UBE2F: variants seen among roughly 807,000 people sequenced by gnomAD.
The protein encoded by UBE2F is NEDD8-conjugating enzyme UBE2F.
In UBE2F, 5 loss-of-function variants were observed where a neutral mutation model predicts 29.6. The observed-to-expected ratio is 0.17, with a 90% CI of 0.09 to 0.36. UBE2F has a LOEUF of 0.36. Among genes scored for constraint, UBE2F ranks in the 10% least tolerant of loss-of-function variants. The pLI is 1.00. For synonymous variants in UBE2F, 66 were observed against 81.8 expected (o/e 0.81, Z 1.04); for missense variants, 141 against 228.5 (o/e 0.62, Z 2.47).
intron 7 of UBE2F, 31 bp downstream of exon 7, chr2:238,030,644 G>C: frequency 6.3e-7 from 1 of 1,586,204 alleles, no homozygotes; most frequent in East Asian, 2.2e-5. Context: ...TTGATCATAA[G>C]TTGTCCCTGT....
intron 5 of UBE2F, among the ~76,000 whole-genome samples, chr2:238,024,567 C>T (rs2064371022): frequency 6.6e-6 from 1 of 152,042 alleles, no homozygotes; most frequent in South Asian, 2.1e-4. Flanking sequence ...TAATCTTAAA[C>T]CCTTGGCCTC....
chr2:238,026,794 C>T (rs1289603385), intron 6 of UBE2F, among the ~76,000 whole-genome samples: 1 of 152,184 alleles, frequency 6.6e-6, no homozygotes, highest in African/African-American at 2.4e-5. Flanking sequence ...TTTGTATATA[C>T]TGCTCCTTCT....
intron 8 of UBE2F, among the ~76,000 whole-genome samples, chr2:238,033,822 T>C (rs1274740071): frequency 6.6e-6 from 1 of 152,234 alleles, no homozygotes; most frequent in Non-Finnish European, 1.5e-5. Context: ...TTTGTTCTGC[T>C]TCTGTCTTTG....
At chr2:237,993,252 C>G (rs545196081) in intron 3 of UBE2F, among the ~76,000 whole-genome samples, 1 of 152,050 alleles carries the variant, frequency 6.6e-6, no homozygotes, top group African/African-American at 2.4e-5. Context: ...TCCCAAAGTT[C>G]TGGGATTACA....
At chr2:238,023,797 C>G (rs2106394326) in intron 5 of UBE2F, among the ~76,000 whole-genome samples, 1 of 152,252 alleles carries the variant, frequency 6.6e-6, no homozygotes, top group South Asian at 2.1e-4. Flanking sequence ...TCCCTTACTG[C>G]AGGTTGTGGT....
At chr2:237,992,716 T>C (rs1391754595) in intron 3 of UBE2F, among the ~76,000 whole-genome samples, 1 of 152,218 alleles carries the variant, frequency 6.6e-6, no homozygotes, top group Non-Finnish European at 1.5e-5. Context: ...CTGTATGATC[T>C]TGGGCTAGTC....
At chr2:238,003,358 T>C (rs1444003542) in intron 4 of UBE2F, 5 of 471,052 alleles carry the variant, frequency 1.1e-5, no homozygotes, top group South Asian at 7.7e-5. Context: ...CTCTCCTTGC[T>C]CCTTCCAAGA....
chr2:237,972,370 A>G (rs1196118709), intron 1 of UBE2F, among the ~76,000 whole-genome samples: 1 of 152,060 alleles, frequency 6.6e-6, no homozygotes. Context: ...GGAAGGGCCA[A>G]CTTACCAGTG....
In UBE2F at chr2:237,967,142, G is replaced by A; in HGVS notation, c.-17+10G>A. 2 of 1,282,346 alleles carry A rather than the reference G, an allele frequency of 1.6e-6. No homozygotes were observed. Among genetic ancestry groups the A allele is most frequent in the Non-Finnish European group, 9.9e-7 (1 of 1,010,688 alleles). 79.4% of individuals were successfully genotyped at this position (1,282,346 alleles called of 1,614,324 possible). On this transcript the variant is annotated intron_variant, in intron 1 of 9. Transcript: ENST00000272930. The surrounding 1 kb of genome is among the most constrained non-coding windows in gnomAD (Gnocchi z 6.3). ...GTCTCGGGGAGCCCAGGTGAGGAGC[G>A]ACCGTGCGGCTCTGCGGCGGGGCGA...
At chr2:238,038,335 C>T (rs1380470163) in intron 9 of UBE2F, among the ~76,000 whole-genome samples, 1 of 152,224 alleles carries the variant, frequency 6.6e-6, no homozygotes, top group African/African-American at 2.4e-5. Flanking sequence ...GTGCTCACAG[C>T]TCCCCATGGG....
At chr2:238,028,770 GA>G (rs1372010322) in intron 6 of UBE2F, among the ~76,000 whole-genome samples, 1 of 151,996 alleles carries the variant, frequency 6.6e-6, no homozygotes, top group African/African-American at 2.4e-5. Flanking sequence ...TGACTTTTGT[GA>G]ATTTAAACAT....
At chr2:237,984,024 T>C (rs1321330798) in intron 2 of UBE2F, among the ~76,000 whole-genome samples, 1 of 151,260 alleles carries the variant, frequency 6.6e-6, no homozygotes, top group Non-Finnish European at 1.5e-5. Context: ...TCTCCTCTTC[T>C]TCCCCCTCCC....
chr2:238,033,413 A>G (rs1241061867), intron 8 of UBE2F, among the ~76,000 whole-genome samples: 1 of 152,180 alleles, frequency 6.6e-6, no homozygotes, highest in Non-Finnish European at 1.5e-5. Flanking sequence ...AGTTTTTGCT[A>G]CTTTTGATAA....
Position 237,967,280 on chromosome 2 carries a change from G to A in UBE2F, c.-17+148G>A. 1 of 403,998 alleles carries A rather than the reference G, an allele frequency of 2.5e-6. No homozygotes were observed. The highest frequency in any genetic ancestry group is 3.3e-6 in the Non-Finnish European group (1 of 300,670). 25.0% of individuals were successfully genotyped at this position (403,998 alleles called of 1,614,324 possible). A position where few individuals can be genotyped will look rare whatever the true frequency, so the allele number is the denominator to read the frequency against. On this transcript the variant is annotated intron_variant, in intron 1 of 9. Coordinates refer to ENST00000272930, the MANE Select transcript of UBE2F (RefSeq NM_080678.3). This position sits in a 1 kb window ranked among gnomAD's most constrained non-coding sequence, Gnocchi z 6.3. The stretch of plus-strand genomic sequence containing the variant: ...CACGCCGGGGGCCTGGCGGGCGCGG[G>A]CACCCGGACGCGAGGCCGAGCGGCG...
intron 8 of UBE2F, chr2:238,032,557 G>A (rs1380949111): frequency 3.3e-6 from 1 of 306,126 alleles, no homozygotes; most frequent in African/African-American, 2.1e-5. Flanking sequence ...AGAGGTTGCA[G>A]TGAGCTGAGA....
At chr2:237,973,770 G>C in intron 2 of UBE2F, 1 of 1,134,938 alleles carries the variant, frequency 8.8e-7, no homozygotes, top group Non-Finnish European at 1.2e-6. Context: ...TTTATCCTTG[G>C]AGAAGGGTTG....
chr2:238,017,251 A>G (rs1359481181), intron 5 of UBE2F, among the ~76,000 whole-genome samples: 1 of 152,214 alleles, frequency 6.6e-6, no homozygotes, highest in Non-Finnish European at 1.5e-5. Flanking sequence ...AATTCAGAGA[A>G]GGGAAAGTAA....
rs78156169 is a variant in UBE2F, at chr2:238,040,709, C to T, written c.508-579C>T. ...CCTGGGGTGATTCCTAGGTCCACAC[C>T]GCCTTTGGTCACTGTCCACCTTCAT... On this transcript the variant is annotated intron_variant, in intron 9 of 9. Coordinates refer to ENST00000272930, the MANE Select transcript of UBE2F (RefSeq NM_080678.3). This position sits in a 1 kb window ranked among gnomAD's most constrained non-coding sequence, Gnocchi z 4.4. Among the ~76,000 whole-genome samples the T allele has an allele frequency of 0.027, 4,033 of 152,174 alleles. 172 individuals carry two copies. The highest frequency in any genetic ancestry group is 0.093 in the African/African-American group (3,847 of 41,486).
intron 4 of UBE2F, among the ~76,000 whole-genome samples, chr2:238,009,934 T>G (rs1269907800): frequency 6.6e-6 from 1 of 152,216 alleles, no homozygotes; most frequent in South Asian, 2.1e-4. Flanking sequence ...CCACAGATAC[T>G]CCCATCATCA....
Sources: allele counts gnomAD v4.1 joint callset (sites outside exome capture counted in the v4.1 genomes callset), GRCh38; gene constraint gnomAD v4.1.1; non-coding constraint Gnocchi (gnomAD v3.1); transcripts MANE v1.5; gene names NCBI Gene and HGNC (gene_info 2026-07-23, HGNC 2026-07-21).